The following RYR3 variants were observed in gnomAD, a reference collection of about 807,000 sequenced individuals.
The protein encoded by RYR3 is ryanodine receptor 3.
RYR3 carries 207 observed loss-of-function variants against 584.3 expected under a neutral mutation model. The observed-to-expected ratio is 0.35, with a 90% confidence interval of 0.32 to 0.40. The LOEUF (loss-of-function observed/expected upper bound fraction) is 0.40. Among genes scored for constraint, RYR3 ranks in the 10% least tolerant of loss-of-function variants. The probability of loss-of-function intolerance (pLI) is 1.00; values close to 1 mark genes in which losing one functional copy is unlikely to be tolerated. For synonymous variants in RYR3, 2,416 were observed against 2,248.5 expected (o/e 1.07, Z -2.11); for missense variants, 5,616 against 6,089.2 (o/e 0.92, Z 2.59).
At chr15:33,482,354 T>C (rs8043179) in intron 2 of RYR3, among the ~76,000 whole-genome samples, 15,821 of 152,202 alleles carry the variant, frequency 0.1, 2,189 homozygotes, top group African/African-American at 0.32. Flanking sequence ...CCTTTTCCTC[T>C]GGAAAGTTTT....
At chr15:33,786,358 G>A (rs2074707475) in intron 66 of RYR3, among the ~76,000 whole-genome samples, 2 of 151,934 alleles carry the variant, frequency 1.3e-5, no homozygotes, top group Admixed American at 6.6e-5. Flanking sequence ...TTTTCCACTT[G>A]TATAAAACTC....
chr15:33,700,144 G>A (rs2152771851), intron 41 of RYR3, among the ~76,000 whole-genome samples: 1 of 152,332 alleles, frequency 6.6e-6, no homozygotes. Context: ...TGCAGGTATA[G>A]TCTGGGGGCA....
intron 1 of RYR3, among the ~76,000 whole-genome samples, chr15:33,415,714 T>TA (rs1247896699): frequency 6.6e-6 from 1 of 152,154 alleles, no homozygotes; most frequent in Non-Finnish European, 1.5e-5. Flanking sequence ...TTCCTTTTTT[T>TA]AAAAAAATTT....
At chr15:33,628,336 G>T in intron 20 of RYR3, 135 bp from the exon 21 acceptor site, 2 of 617,592 alleles carry the variant, frequency 3.2e-6, no homozygotes, top group Middle Eastern at 2.6e-4. Flanking sequence ...GGAGCATGTG[G>T]GTCAGGCAGC....
intron 102 of RYR3, among the ~76,000 whole-genome samples, chr15:33,863,724 TTCTTGAGACACACACATAATTA>T (rs1889380328): frequency 6.6e-6 from 1 of 152,234 alleles, no homozygotes. Context: ...ATGACAGATA[TTCTTGAGACACACACATAATTA>T]ATTTCAATTC....
intron 1 of RYR3, among the ~76,000 whole-genome samples, chr15:33,338,514 A>C (rs1479285297): frequency 6.6e-6 from 1 of 152,170 alleles, no homozygotes; most frequent in Non-Finnish European, 1.5e-5. Context: ...GGCTGGGGTG[A>C]CTGCACCTGT....
intron 17 of RYR3, 130 bp downstream of exon 17, chr15:33,601,682 G>C: frequency 1.1e-6 from 1 of 919,960 alleles, no homozygotes; most frequent in East Asian, 2.6e-5. Flanking sequence ...AAGTACATAA[G>C]ACAAGACCAA....
At chr15:33,579,888 G>A in intron 12 of RYR3, 88 bp from the exon 13 acceptor site, 1 of 986,446 alleles carries the variant, frequency 1.0e-6, no homozygotes, top group Non-Finnish European at 1.4e-6. Flanking sequence ...TGCACCGTGG[G>A]GGGCTGTTAG....
chr15:33,387,662 C>A (rs201889660), intron 1 of RYR3, among the ~76,000 whole-genome samples: 13 of 139,880 alleles, frequency 9.3e-5, no homozygotes, highest in Admixed American at 1.4e-4. Context: ...AATGACCTCA[C>A]AAAAAAAAAA....
chr15:33,420,113 C>T (rs1249357498), intron 1 of RYR3, among the ~76,000 whole-genome samples: 1 of 152,200 alleles, frequency 6.6e-6, no homozygotes, highest in Non-Finnish European at 1.5e-5. Flanking sequence ...CAATAGGTGA[C>T]TTTCCACAGC....
chr15:33,763,807 C>T (rs12908259), intron 60 of RYR3, among the ~76,000 whole-genome samples: 14,336 of 149,414 alleles, frequency 0.096, 940 homozygotes, highest in East Asian at 0.29. Context: ...GCAGGACAAT[C>T]GCTTGAATCC....
In RYR3 at chr15:33,769,156, C is replaced by G. The variant is rs2073364444; in HGVS notation, c.8800C>G (p.Gln2934Glu). The G allele has an allele frequency of 2.5e-6, 4 of 1,613,114 alleles. No individual in the cohort carries two copies. Among genetic ancestry groups the G allele is most frequent in the South Asian group, 1.1e-5 (1 of 91,072 alleles). ...TMVSCLHILA[Q>E]TLDTRTVMKS... ...GGTGAGCTGTCTTCACATCTTAGCT[C>G]AGACACTTGACACAAGGTAAGTCTG... Residue 2934 changes from glutamine (Q) to glutamate (E), a missense_variant, in exon 62 of 104, where the codon CAG becomes GAG. By Grantham distance (29) the Gln-to-Glu change is conservative (BLOSUM62 2). Transcript: ENST00000634891.
At chr15:33,816,802 A>T (rs2076835379) in intron 74 of RYR3, 60 bp from the exon 75 acceptor site, 2 of 1,165,180 alleles carry the variant, frequency 1.7e-6, no homozygotes, top group Non-Finnish European at 2.5e-6. Context: ...TTAACTGCCC[A>T]AACTAAAAGA....
chr15:33,762,941 C>T (rs980621365), intron 60 of RYR3, among the ~76,000 whole-genome samples: 11 of 152,168 alleles, frequency 7.2e-5, no homozygotes, highest in African/African-American at 2.7e-4. Flanking sequence ...TGGAACAGAA[C>T]ACAGGCCTCA....
intron 2 of RYR3, among the ~76,000 whole-genome samples, chr15:33,478,644 T>A (rs905356754): frequency 6.6e-6 from 1 of 152,200 alleles, no homozygotes. Flanking sequence ...CAAATTCTCA[T>A]GCAAAAGGAG....
At chr15:33,373,728 C>T (rs1406561204) in intron 1 of RYR3, among the ~76,000 whole-genome samples, 1 of 152,140 alleles carries the variant, frequency 6.6e-6, no homozygotes, top group African/African-American at 2.4e-5. Flanking sequence ...CATCACAATG[C>T]TTAGTTCTGC....
Position 33,865,598 on chromosome 15 carries a change from A to C in RYR3, c.*372A>C, listed in dbSNP as rs1890234817. 1 of 185,644 alleles carries C rather than the reference A, an allele frequency of 5.4e-6. No homozygotes were observed. Among genetic ancestry groups the C allele is most frequent in the Non-Finnish European group, 1.1e-5 (1 of 88,226 alleles). 11.5% of individuals were successfully genotyped at this position (185,644 alleles called of 1,614,324 possible). A position where few individuals can be genotyped will look rare whatever the true frequency, so the allele number is the denominator to read the frequency against. On this transcript the variant is annotated 3_prime_UTR_variant, in exon 104 of 104. Coordinates refer to ENST00000634891, the MANE Select transcript of RYR3 (RefSeq NM_001036.6). ...AATACCTGAAAATTTAAACACTTGA[A>C]TGTCATCATGGTATCCAACTTGTGA...
chr15:33,680,027 G>A (rs780647756), intron 38 of RYR3, among the ~76,000 whole-genome samples: 11 of 152,176 alleles, frequency 7.2e-5, no homozygotes, highest in Non-Finnish European at 1.6e-4. Context: ...AGCAGCATGG[G>A]TTTGAATCCA....
intron 51 of RYR3, among the ~76,000 whole-genome samples, chr15:33,741,574 T>C (rs72713294): frequency 0.2 from 29,999 of 151,960 alleles, 3,098 homozygotes; most frequent in African/African-American, 0.27. Context: ...AAATAGCAGG[T>C]GTCTACTGTA....
Sources: allele counts gnomAD v4.1 joint callset (sites outside exome capture counted in the v4.1 genomes callset), GRCh38; gene constraint gnomAD v4.1.1; transcripts MANE v1.5; gene names NCBI Gene and HGNC (gene_info 2026-07-23, HGNC 2026-07-21).